SUMO2: variants seen among roughly 807,000 people sequenced by gnomAD.
The protein encoded by SUMO2 is small ubiquitin like modifier 2, also known as small ubiquitin-related modifier 2.
A neutral mutation model predicts 16.0 loss-of-function variants in SUMO2; 1 was observed. The ratio of observed to expected loss-of-function variants is 0.06; its 90% confidence interval spans 0.02 to 0.30. The LOEUF is 0.30. Ranked by LOEUF, SUMO2 falls within the 10% of genes least tolerant of loss-of-function variation. The pLI is 1.00. For missense variants in SUMO2, 16 were observed against 117.5 expected, an observed-to-expected ratio of 0.14 and a Z score of 3.99; for synonymous variants, 36 against 40.6, an observed-to-expected ratio of 0.89 and a Z score of 0.43.
At chr17:75,173,240 T>C (rs1028702467) in intron 3 of SUMO2, among the ~76,000 whole-genome samples, 1 of 152,050 alleles carries the variant, frequency 6.6e-6, no homozygotes, top group Non-Finnish European at 1.5e-5. Flanking sequence ...CATAACTCAC[T>C]GCGGCCTGAA....
At chr17:75,182,689 G>A in intron 1 of SUMO2, 125 bp downstream of exon 1, 1 of 793,454 alleles carries the variant, frequency 1.3e-6, no homozygotes, top group Non-Finnish European at 1.7e-6. Context: ...CCGGGCCTGA[G>A]CCGCGGCCGG....
At position 75,168,491 on chromosome 17, in the gene SUMO2, A is replaced by C. The variant is rs189730668; in HGVS notation, c.226-90T>G. ...GTTTAAGTATGCTGAAAACATGTAC[A>C]TGTTCCACTAAGTTCCAAGTTTCAT... On this transcript the variant is annotated intron_variant, in intron 3 of 3. Transcript: ENST00000420826. The C allele has an allele frequency of 8.8e-5, 95 of 1,081,894 alleles. No individual in the cohort carries two copies. The African/African-American group carries it at 1.1e-3, about 13-fold the overall frequency. The allele number at this position is 1,081,894 out of a possible 1,614,324, so 67.0% of individuals were successfully genotyped here.
In SUMO2 at chr17:75,177,988, C is replaced by CAAAAAAAAAAA. The variant is rs59613076; in HGVS notation, c.153+3058_153+3068dup. Among the ~76,000 whole-genome samples the CAAAAAAAAAAA allele has an allele frequency of 5.7e-3, 377 of 66,396 alleles. 36 individuals are homozygous for CAAAAAAAAAAA. Among genetic ancestry groups the CAAAAAAAAAAA allele is most frequent in the African/African-American group, 0.024 (353 of 14,780 alleles). 43.6% of individuals were successfully genotyped at this position (66,396 alleles called of 152,430 possible). ...TGACCGACAAAGCGAGACTCCGTCTCAAAAAAAAAAAAAAAAAAAAAAAGA... is the reference window on the plus strand; with the variant it reads ...TGACCGACAAAGCGAGACTCCGTCTCAAAAAAAAAAAAAAAAAAAAAAAAAAAAAAAAAAGA... On this transcript the variant is annotated intron_variant, in intron 2 of 3. Transcript: ENST00000420826.
At position 75,166,662 on chromosome 17, in the gene SUMO2, G is replaced by T. The variant is rs984839078; in HGVS notation, c.*1677C>A. 2.0e-5 allele frequency: 3 copies of T among 152,034 alleles called. No individual in the cohort carries two copies. The highest frequency in any genetic ancestry group is 7.3e-5 in the African/African-American group (3 of 41,362). The allele number at this position is 152,034 out of a possible 1,614,324, so 9.4% of individuals were successfully genotyped here. A position where few individuals can be genotyped will look rare whatever the true frequency, so the allele number is the denominator to read the frequency against. Reference sequence around the variant, plus strand: ...ATTAGCTGTGGTGGCATGCACCTGCGGTTCTAGCTACTCACGAGGCTGAGC... The same window carrying T: ...ATTAGCTGTGGTGGCATGCACCTGCTGTTCTAGCTACTCACGAGGCTGAGC... On this transcript the variant is annotated 3_prime_UTR_variant, in exon 4 of 4. Transcript: ENST00000420826.
chr17:75,181,236 A>C, intron 1 of SUMO2, 48 bp from the exon 2 acceptor site: 1 of 1,599,308 alleles, frequency 6.3e-7, no homozygotes, highest in Non-Finnish European at 8.5e-7. Flanking sequence ...TGATCAACGA[A>C]CACGTTTTAT....
chr17:75,169,406 C>T lies in SUMO2; in HGVS notation c.226-1005G>A, dbSNP rs537926975. On this transcript the variant is annotated intron_variant, in intron 3 of 3. Coordinates refer to ENST00000420826, the MANE Select transcript of SUMO2 (RefSeq NM_006937.4). ...AAAAATTTTTTTTTTTTTTTTGAGA[C>T]GGAGTCTCCCTGTGTCGCCCAGGCT... is the stretch of plus-strand genomic sequence containing the variant. 2.0e-3 allele frequency among the ~76,000 whole-genome samples: 292 copies of T among 148,958 alleles called. 1 individual carries two copies. Among genetic ancestry groups the T allele is most frequent in the African/African-American group, 1.7e-3 (69 of 40,396 alleles).
At chr17:75,176,761 A>G (rs2074785368) in intron 2 of SUMO2, among the ~76,000 whole-genome samples, 1 of 152,174 alleles carries the variant, frequency 6.6e-6, no homozygotes, top group Non-Finnish European at 1.5e-5. Context: ...TTACTAAAAA[A>G]CACACTTCAG....
At chr17:75,174,974 T>C (rs2074770627) in intron 2 of SUMO2, among the ~76,000 whole-genome samples, 151 bp from the exon 3 acceptor site, 1 of 152,072 alleles carries the variant, frequency 6.6e-6, no homozygotes, top group Admixed American at 6.6e-5. Context: ...GTAAAAAGAT[T>C]TGGGGTGATT....
intron 2 of SUMO2, among the ~76,000 whole-genome samples, chr17:75,175,860 T>C (rs1213860686): frequency 3.3e-5 from 5 of 152,110 alleles, no homozygotes; most frequent in African/African-American, 4.8e-5. Context: ...CTCGAACTCC[T>C]GACCTCAAGT....
rs564736241 is a variant in SUMO2, at chr17:75,167,665, G to A, written c.*674C>T. On this transcript the variant is annotated 3_prime_UTR_variant, in exon 4 of 4. Transcript: ENST00000420826. ...TTCTTGAAATGTTACTTCTAAGCAG[G>A]CCTATTTATGTTTTTTCTAAGCCTC... 4 of 152,484 alleles carry A rather than the reference G, an allele frequency of 2.6e-5. No homozygotes were observed. Among genetic ancestry groups the A allele is most frequent in the South Asian group, 2.1e-4 (1 of 4,820 alleles). The allele number at this position is 152,484 out of a possible 1,614,324, so 9.4% of individuals were successfully genotyped here.
chr17:75,181,330 G>A (rs1022175133), intron 1 of SUMO2, 142 bp from the exon 2 acceptor site: 42 of 842,600 alleles, frequency 5.0e-5, no homozygotes, highest in African/African-American at 4.3e-4. Context: ...GTTTTCAGCT[G>A]CTGAAATCAA....
At chr17:75,182,591 G>C (rs531908959) in intron 1 of SUMO2, 1 of 318,044 alleles carries the variant, frequency 3.1e-6, no homozygotes, top group African/African-American at 2.2e-5. Flanking sequence ...CGCGCACTCG[G>C]AGGCCGCCGG....
In SUMO2 at chr17:75,182,912, A is replaced by T. The variant is rs552594008; in HGVS notation, c.-78T>A. On this transcript the variant is annotated 5_prime_UTR_variant, in exon 1 of 4. Coordinates refer to ENST00000420826, the MANE Select transcript of SUMO2 (RefSeq NM_006937.4). ...CGCACCAAACGAGCACACAAGCAGC[A>T]CCAGGAGCGGCAGAAGAAGGAGGCG... The T allele has an allele frequency of 9.8e-6, 12 of 1,219,780 alleles. No individual in the cohort carries two copies. The East Asian group carries it at 3.8e-4, about 38-fold the overall frequency. 75.6% of individuals were successfully genotyped at this position (1,219,780 alleles called of 1,614,324 possible).
At position 75,168,335 on chromosome 17, in the gene SUMO2, C is replaced by T; in HGVS notation, c.*4G>A. 6.3e-7 allele frequency: 1 copy of T among 1,589,096 alleles called. No individual in the cohort carries two copies. Among genetic ancestry groups the T allele is most frequent in the East Asian group, 2.3e-5 (1 of 44,304 alleles). ...GTTCTGGAGTAAAGAAGCAGGTTCC[C>T]TTTTCAGTAGACACCTCCCGTCTGC... On this transcript the variant is annotated 3_prime_UTR_variant, in exon 4 of 4. Transcript: ENST00000420826.
intron 2 of SUMO2, among the ~76,000 whole-genome samples, chr17:75,177,231 G>C (rs1451710051): frequency 6.6e-6 from 1 of 151,928 alleles, no homozygotes; most frequent in Non-Finnish European, 1.5e-5. Context: ...AGCCAGGCTA[G>C]GTGGCAGGCG....
intron 2 of SUMO2, among the ~76,000 whole-genome samples, chr17:75,180,115 C>T (rs139205392): frequency 7.7e-4 from 117 of 151,772 alleles, no homozygotes; most frequent in African/African-American, 2.8e-3. Flanking sequence ...CCAAGGTGGG[C>T]GGATCACTTG....
chr17:75,177,689 AAAAAG>A (rs573110247), intron 2 of SUMO2, among the ~76,000 whole-genome samples: 39 of 152,000 alleles, frequency 2.6e-4, no homozygotes, highest in East Asian at 3.9e-4. Flanking sequence ...CTTAAAAAAA[AAAAAG>A]AAAAGAAAAG....
At chr17:75,174,519 G>C (rs180781961) in intron 3 of SUMO2, among the ~76,000 whole-genome samples, 1 of 152,106 alleles carries the variant, frequency 6.6e-6, no homozygotes, top group Non-Finnish European at 1.5e-5. Context: ...GCAACAGAGA[G>C]GCCCTGTCCC....
At chr17:75,177,543 G>A (rs969814954) in intron 2 of SUMO2, among the ~76,000 whole-genome samples, 8 of 151,750 alleles carry the variant, frequency 5.3e-5, no homozygotes, top group South Asian at 4.2e-4. Context: ...TTAGCCAGGC[G>A]TGGTGGTGCA....
Sources: allele counts gnomAD v4.1 joint callset (sites outside exome capture counted in the v4.1 genomes callset), GRCh38; gene constraint gnomAD v4.1.1; transcripts MANE v1.5; gene names NCBI Gene and HGNC (gene_info 2026-07-23, HGNC 2026-07-21).